Variants in CSMD1 observed in about 807,000 individuals in gnomAD.
The protein encoded by CSMD1 is CUB and Sushi multiple domains 1.
Under a neutral mutation model 417.5 loss-of-function variants are expected in CSMD1, and 213 were observed. The ratio of observed to expected loss-of-function variants is 0.51; its 90% CI spans 0.46 to 0.57. The LOEUF is 0.57. Ranked by LOEUF, CSMD1 falls within the 20% of genes least tolerant of loss-of-function variation. CSMD1 has a pLI of 0.00. For missense variants in CSMD1, 6,923 were observed against 4,529.7 expected (o/e 1.53, Z -15.17); for synonymous variants, 2,862 against 1,736.8 (o/e 1.65, Z -16.11).
At chr8:3,148,067 T>C (rs1818953626) in intron 40 of CSMD1, among the ~76,000 whole-genome samples, 1 of 152,144 alleles carries the variant, frequency 6.6e-6, no homozygotes. Context: ...GCTTGTCCCA[T>C]TAGGAAATAG....
intron 3 of CSMD1, among the ~76,000 whole-genome samples, chr8:4,095,991 G>C (rs554113266): frequency 1.3e-5 from 2 of 152,200 alleles, no homozygotes; most frequent in East Asian, 1.9e-4. Flanking sequence ...CAAAAACCCA[G>C]AGTTGTCAGA....
At chr8:4,935,829 G>A (rs1036272734) in intron 1 of CSMD1, among the ~76,000 whole-genome samples, 2 of 152,218 alleles carry the variant, frequency 1.3e-5, no homozygotes, top group Non-Finnish European at 2.9e-5. Flanking sequence ...TCGGCCTGCT[G>A]TTTACCAAAA....
chr8:3,110,957 T>C (rs1267194485), intron 42 of CSMD1, among the ~76,000 whole-genome samples: 1 of 152,224 alleles, frequency 6.6e-6, no homozygotes, highest in Non-Finnish European at 1.5e-5. Flanking sequence ...TTTATATTTA[T>C]TATTTTAATG....
At chr8:4,042,815 T>TGAAAAAAAAAAAA (rs1487345501) in intron 3 of CSMD1, among the ~76,000 whole-genome samples, 1 of 41,312 alleles carries the variant, frequency 2.4e-5, no homozygotes, top group African/African-American at 9.7e-5. Flanking sequence ...TACAACATAT[T>TGAAAAAAAAAAAA]AAAAAAAAAA....
chr8:4,460,057 G>A (rs1167041880), intron 2 of CSMD1, among the ~76,000 whole-genome samples: 1 of 152,066 alleles, frequency 6.6e-6, no homozygotes, highest in African/African-American at 2.4e-5. Flanking sequence ...GCCAATAACA[G>A]AATATTGTTT....
At chr8:4,233,821 G>C (rs1398046403) in intron 3 of CSMD1, among the ~76,000 whole-genome samples, 1 of 152,102 alleles carries the variant, frequency 6.6e-6, no homozygotes, top group Non-Finnish European at 1.5e-5. Flanking sequence ...AATTTCATTT[G>C]AGTTGGTTAA....
chr8:3,327,266 C>A (rs1039876767), intron 23 of CSMD1, among the ~76,000 whole-genome samples: 3 of 152,032 alleles, frequency 2.0e-5, no homozygotes, highest in Non-Finnish European at 4.4e-5. Flanking sequence ...CCTCAGCCTC[C>A]CGAGTAGCTG....
chr8:4,029,620 G>C (rs760203221), intron 4 of CSMD1, among the ~76,000 whole-genome samples: 1 of 152,166 alleles, frequency 6.6e-6, no homozygotes, highest in South Asian at 2.1e-4. Flanking sequence ...ATGAGGTTTT[G>C]GTAGGGACAC....
At chr8:3,519,680 G>C (rs1797421383) in intron 10 of CSMD1, among the ~76,000 whole-genome samples, 1 of 152,152 alleles carries the variant, frequency 6.6e-6, no homozygotes, top group African/African-American at 2.4e-5. Context: ...GGCCATGGCT[G>C]CTTCATTAAT....
intron 2 of CSMD1, among the ~76,000 whole-genome samples, chr8:4,423,943 C>G (rs970842656): frequency 6.6e-6 from 1 of 151,956 alleles, no homozygotes; most frequent in African/African-American, 2.4e-5. Context: ...TTATTTTCAA[C>G]AGATTCAAAA....
At chr8:4,334,736 A>G (rs181079467) in intron 3 of CSMD1, among the ~76,000 whole-genome samples, 6 of 152,282 alleles carry the variant, frequency 3.9e-5, no homozygotes, top group Admixed American at 3.9e-4. Flanking sequence ...TAGATACTTG[A>G]ACGATACGCT....
At chr8:4,064,476 C>G (rs1381934253) in intron 3 of CSMD1, among the ~76,000 whole-genome samples, 4 of 152,206 alleles carry the variant, frequency 2.6e-5, no homozygotes, top group Non-Finnish European at 5.9e-5. Flanking sequence ...CTGTAGCTGT[C>G]TAGAGCTGCA....
chr8:4,841,911 C>CAAACAAAACAAAAAAAAAAAAAA (rs779855887), intron 1 of CSMD1, among the ~76,000 whole-genome samples: 9 of 34,846 alleles, frequency 2.6e-4, no homozygotes, highest in Admixed American at 5.2e-4. Flanking sequence ...AACTCCGTCT[C>CAAACAAAACAAAAAAAAAAAAAA]AAAAAAAAAA....
At chr8:3,262,732 T>A (rs1563200099) in intron 26 of CSMD1, among the ~76,000 whole-genome samples, 1 of 152,144 alleles carries the variant, frequency 6.6e-6, no homozygotes, top group African/African-American at 2.4e-5. Context: ...TGTCTCATAG[T>A]GGAAAATGTC....
chr8:4,048,790 T>C (rs184759715), intron 3 of CSMD1, among the ~76,000 whole-genome samples: 3 of 152,340 alleles, frequency 2.0e-5, no homozygotes, highest in East Asian at 1.9e-4. Flanking sequence ...TGAATGTTAT[T>C]ATACAGTATA....
intron 5 of CSMD1, among the ~76,000 whole-genome samples, chr8:3,885,601 G>A (rs923418460): frequency 3.9e-5 from 6 of 152,116 alleles, no homozygotes; most frequent in Non-Finnish European, 8.8e-5. Context: ...ATCAGAATCG[G>A]CTATGATGAG....
rs933717617 is a variant in CSMD1, at chr8:4,641,333, G to C, written c.86-3775C>G. Among the ~76,000 whole-genome samples, 14 of 152,046 alleles carry C rather than the reference G, an allele frequency of 9.2e-5. No homozygotes were observed. In the East Asian group the frequency reaches 2.5e-3, roughly 28 times the overall value. ...TGGCTCCTATCTAAAGTAATCAGCA[G>C]AATGTTAGATATAGAAGAATCAGAG... On this transcript the variant is annotated intron_variant, in intron 1 of 69. Transcript: ENST00000635120.
intron 12 of CSMD1, among the ~76,000 whole-genome samples, chr8:3,460,429 C>A (rs972293277): frequency 1.3e-5 from 2 of 152,044 alleles, no homozygotes; most frequent in Admixed American, 6.6e-5. Context: ...AAGGCTCCAA[C>A]CAATTTGAAA....
intron 52 of CSMD1, among the ~76,000 whole-genome samples, chr8:3,003,611 T>C (rs1807607246): frequency 6.6e-6 from 1 of 152,218 alleles, no homozygotes; most frequent in Non-Finnish European, 1.5e-5. Flanking sequence ...TGTTGTGGGT[T>C]GCAATGTTCT....
Sources: allele counts gnomAD v4.1 joint callset (sites outside exome capture counted in the v4.1 genomes callset), GRCh38; gene constraint gnomAD v4.1.1; transcripts MANE v1.5; gene names NCBI Gene and HGNC (gene_info 2026-07-23, HGNC 2026-07-21).